TENM1: variants seen among roughly 807,000 people sequenced by gnomAD.
The protein encoded by TENM1 is teneurin-1.
In TENM1, 35 loss-of-function variants were observed where a neutral mutation model predicts 174.8. The observed-to-expected ratio is 0.20, with a 90% CI of 0.15 to 0.27. The LOEUF (loss-of-function observed/expected upper bound fraction) is 0.27, where lower values mean the gene tolerates loss of function less well. Among genes scored for constraint, TENM1 ranks in the 10% least tolerant of loss-of-function variants. The probability of loss-of-function intolerance (pLI) is 1.00; values close to 1 mark genes in which losing one functional copy is unlikely to be tolerated. For synonymous variants in TENM1, 781 were observed against 798.7 expected (o/e 0.98, Z 0.37); for missense variants, 1,633 against 2,130.1 (o/e 0.77, Z 4.59).
intron 3 of TENM1, among the ~76,000 whole-genome samples, chrX:124,851,738 A>G (rs928159025): frequency 9.0e-6 from 1 of 110,843 alleles, no homozygotes; most frequent in African/African-American, 3.3e-5. Flanking sequence ...TTCACAGTCC[A>G]TTTCTATCAT....
At chrX:125,113,875 G>A in the TENM1 span, among the ~76,000 whole-genome samples, 293 of 110,769 alleles carry the variant, frequency 2.6e-3, no homozygotes, top group Middle Eastern at 0.018. Context: ...TAACAAGGAT[G>A]TTCAGGACTT....
chrX:124,679,055 C>G (rs754810392), intron 5 of TENM1, among the ~76,000 whole-genome samples: 4 of 111,641 alleles, frequency 3.6e-5, no homozygotes, highest in Non-Finnish European at 7.6e-5. Context: ...CAAAGATATT[C>G]AGCTAGGGGT....
chrX:124,587,718 A>G (rs12387392), intron 11 of TENM1, among the ~76,000 whole-genome samples: 3,992 of 111,351 alleles, frequency 0.036, 77 homozygotes, highest in African/African-American at 0.065. Flanking sequence ...GAGCTTCTGC[A>G]CAGCAAAAGA....
At chrX:124,597,331 T>TAA (rs2049919953) in intron 11 of TENM1, among the ~76,000 whole-genome samples, 1 of 112,131 alleles carries the variant, frequency 8.9e-6, no homozygotes, top group Non-Finnish European at 1.9e-5. Context: ...TACCATGGAA[T>TAA]AATACTCAGC....
At chrX:124,653,783 A>G (rs2051369555) in exon 7 of TENM1, 3 of 1,200,726 alleles carry the variant, frequency 2.5e-6, no homozygotes, top group Non-Finnish European at 3.4e-6. Context: ...CTTCTGAAAC[A>G]CTAGTTTTAA....
the TENM1 span, among the ~76,000 whole-genome samples, chrX:125,053,976 G>GTGTAACC: frequency 4.5e-5 from 5 of 111,804 alleles, no homozygotes; most frequent in Non-Finnish European, 9.4e-5. Flanking sequence ...AACACTTTCT[G>GTGTAACC]TTGCTTAAAA....
the TENM1 span, among the ~76,000 whole-genome samples, chrX:125,046,859 T>C: frequency 1.5e-5 from 1 of 67,758 alleles, no homozygotes; most frequent in Non-Finnish European, 2.6e-5. Flanking sequence ...TGTGCATGCG[T>C]GTGTGTGTGT....
At chrX:124,583,744 C>A (rs1360055508) in intron 11 of TENM1, among the ~76,000 whole-genome samples, 1 of 111,282 alleles carries the variant, frequency 9.0e-6, no homozygotes, top group African/African-American at 3.3e-5. Flanking sequence ...CTCCGAGCTA[C>A]AGGAGGAAAT....
the TENM1 span, among the ~76,000 whole-genome samples, chrX:125,201,771 G>C: frequency 9.0e-6 from 1 of 111,361 alleles, no homozygotes; most frequent in Admixed American, 9.5e-5. Flanking sequence ...ACATTATTTT[G>C]TCATACCTGA....
chrX:124,537,607 T>C (rs2048232082), intron 15 of TENM1, among the ~76,000 whole-genome samples: 1 of 111,879 alleles, frequency 8.9e-6, no homozygotes, highest in South Asian at 3.7e-4. Context: ...ATCTACAGAA[T>C]TATGGCTACC....
intron 6 of TENM1, among the ~76,000 whole-genome samples, chrX:124,658,968 C>T (rs1011268697): frequency 9.0e-6 from 1 of 111,111 alleles, no homozygotes; most frequent in Non-Finnish European, 1.9e-5. Context: ...TCCACATTCC[C>T]AAAAACTTTA....
chrX:124,462,022 A>C (rs1342162191), intron 22 of TENM1, among the ~76,000 whole-genome samples: 1 of 111,569 alleles, frequency 9.0e-6, no homozygotes, highest in Non-Finnish European at 1.9e-5. Context: ...TAAAATTAAT[A>C]AGGTCGTTTC....
intron 1 of TENM1, among the ~76,000 whole-genome samples, chrX:124,951,750 T>TA (rs2058492463): frequency 9.5e-6 from 1 of 104,901 alleles, no homozygotes; most frequent in African/African-American, 3.4e-5. Context: ...AAAGTGCTGT[T>TA]ATACATTTAA....
intron 3 of TENM1, among the ~76,000 whole-genome samples, chrX:124,869,663 C>T (rs2057072442): frequency 9.0e-6 from 1 of 111,329 alleles, no homozygotes; most frequent in Admixed American, 9.5e-5. Context: ...GAGATCCAGT[C>T]ATTTGCGACA....
chrX:124,910,488 G>A (rs941125535), intron 1 of TENM1, among the ~76,000 whole-genome samples: 1 of 112,060 alleles, frequency 8.9e-6, no homozygotes, highest in Non-Finnish European at 1.9e-5. Flanking sequence ...ATGATGCCTG[G>A]AACAGTTGAC....
chrX:124,809,751 A>G (rs1348891178), intron 3 of TENM1, among the ~76,000 whole-genome samples: 1 of 108,669 alleles, frequency 9.2e-6, no homozygotes, highest in Non-Finnish European at 1.9e-5. Context: ...GGCTTAATCG[A>G]CTCTGAGTTC....
chrX:125,191,277 T>C, the TENM1 span, among the ~76,000 whole-genome samples: 1 of 112,088 alleles, frequency 8.9e-6, no homozygotes, highest in East Asian at 2.8e-4. Context: ...TAGTCATTCA[T>C]TTACTCAACC....
At chrX:124,561,411 A>C (rs2048816028) in intron 14 of TENM1, among the ~76,000 whole-genome samples, 2 of 110,956 alleles carry the variant, frequency 1.8e-5, no homozygotes, top group Admixed American at 1.9e-4. Context: ...AAATAGTAAT[A>C]CCTATACCTC....
chrX:124,565,533 T>C, exon 12 of TENM1: 1 of 1,208,709 alleles, frequency 8.3e-7, no homozygotes, highest in Non-Finnish European at 1.1e-6. Context: ...GCAGACTCCA[T>C]GGCTACCACA....
Sources: allele counts gnomAD v4.1 joint callset (sites outside exome capture counted in the v4.1 genomes callset), GRCh38; gene constraint gnomAD v4.1.1; transcripts MANE v1.5; gene names NCBI Gene and HGNC (gene_info 2026-07-23, HGNC 2026-07-21).